CENPT: variants seen among roughly 807,000 people sequenced by gnomAD.
CENPT encodes the protein centromere protein T, also known as interphase centromere complex protein 22.
Under a neutral mutation model 59.7 loss-of-function variants are expected in CENPT, and 42 were observed. The observed-to-expected ratio is 0.70, with a 90% confidence interval of 0.55 to 0.91. CENPT has a LOEUF of 0.91. CENPT is among the 40% of genes least tolerant of loss of function. CENPT has a pLI of 0.00. For missense variants in CENPT, 716 were observed against 713.4 expected, an observed-to-expected ratio of 1.00 and a Z score of -0.04; for synonymous variants, 295 against 289.6, an observed-to-expected ratio of 1.02 and a Z score of -0.19.
In CENPT at chr16:67,831,078, T is replaced by C. The variant is rs2057682914; in HGVS notation, c.703+138A>G. On this transcript the variant is annotated intron_variant, in intron 10 of 15. Coordinates refer to ENST00000562787, the MANE Select transcript of CENPT (RefSeq NM_025082.4). ...CCTGTAGAAAGCAAGCAGAAATTCC[T>C]TGTAGACCCACTGACCAGAGTTGCT... The C allele has an allele frequency of 3.6e-6, 4 of 1,109,576 alleles. No individual in the cohort carries two copies. The South Asian group carries it at 4.1e-5, about 11-fold the overall frequency. 68.7% of individuals were successfully genotyped at this position (1,109,576 alleles called of 1,614,324 possible).
intron 1 of CENPT, among the ~76,000 whole-genome samples, chr16:67,844,691 C>T (rs2057785609): frequency 6.6e-6 from 1 of 152,214 alleles, no homozygotes; most frequent in Non-Finnish European, 1.5e-5. Flanking sequence ...GGCCTTGGTA[C>T]ACCTTCGGTG....
chr16:67,829,473 G>A lies in CENPT; in HGVS notation c.1230C>T (p.Ala410=), dbSNP rs1344744223. 5.7e-6 allele frequency: 9 copies of A among 1,587,976 alleles called. No individual in the cohort carries two copies. Among genetic ancestry groups the A allele is most frequent in the Middle Eastern group, 1.7e-4 (1 of 5,938 alleles). Residue 410 remains alanine (A), a synonymous_variant, in exon 13 of 16, where the codon GCC becomes GCT. Coordinates refer to ENST00000562787, the MANE Select transcript of CENPT (RefSeq NM_025082.4). ...SASSTPESLQ[A]RRHHQFLEPA... ...GCTCAAGAAACTGATGATGTCGCCT[G>A]GCCTGGAGAGACTCAGGGGTGCTGG...
Position 67,842,803 on chromosome 16 carries a change from C to T in CENPT, c.-492+4598G>A, listed in dbSNP as rs773875238. 1 of 1,610,828 alleles carries T rather than the reference C, an allele frequency of 6.2e-7. No homozygotes were observed. ...GCGTCCCCACCATCTTCCCGCTGCG[C>T]GGCGTCAATGAGCGCAAAGTAGCGC... On this transcript the variant is annotated intron_variant, in intron 1 of 15. Coordinates refer to ENST00000562787, the MANE Select transcript of CENPT (RefSeq NM_025082.4). The surrounding 1 kb of genome is among the most constrained non-coding windows in gnomAD (Gnocchi z 4.9).
chr16:67,834,650 A>G (rs565707372), intron 3 of CENPT, among the ~76,000 whole-genome samples: 4 of 152,266 alleles, frequency 2.6e-5, no homozygotes, highest in African/African-American at 9.6e-5. Flanking sequence ...CTGCTTTGCA[A>G]ATCTGTCTAT....
intron 1 of CENPT, among the ~76,000 whole-genome samples, 188 bp from the exon 2 acceptor site, chr16:67,835,846 T>G (rs1236813007): frequency 6.7e-6 from 1 of 148,838 alleles, no homozygotes; most frequent in Admixed American, 6.7e-5. Context: ...TTTGTTTTTG[T>G]TTTTTTTTTG....
chr16:67,836,584 C>T (rs1354658208), intron 1 of CENPT, among the ~76,000 whole-genome samples: 3 of 151,658 alleles, frequency 2.0e-5, no homozygotes, highest in Non-Finnish European at 4.4e-5. Context: ...ATTACAGGGG[C>T]CCACCGCCAA....
At chr16:67,845,905 T>G (rs985805986) in intron 1 of CENPT, among the ~76,000 whole-genome samples, 15 of 151,962 alleles carry the variant, frequency 9.9e-5, no homozygotes, top group African/African-American at 3.6e-4. Context: ...AGCCTGTGGG[T>G]GGGGGAAGGT....
At position 67,828,800 on chromosome 16, in the gene CENPT, G is replaced by A. The variant is rs766034076; in HGVS notation, c.1324C>T (p.Pro442Ser). 1.4e-5 allele frequency: 23 copies of A among 1,596,888 alleles called. No homozygotes were observed. The highest frequency in any genetic ancestry group is 5.6e-5 in the Admixed American group (3 of 53,230). ...CTGGGGCCGGTGGTCCGGGGCCTAG[G>A]GGGATGCCTGACCAACAGAGGCTCT... ...PAEPLLVRHP[P>S]RPRTTGPRPR... The change falls in exon 14 of 16, where the codon CCT becomes TCT. Residue 442 changes from proline to serine, a missense_variant. Coordinates refer to ENST00000562787, the MANE Select transcript of CENPT (RefSeq NM_025082.4).
rs572068447 is a variant in CENPT, at chr16:67,833,873, G to C, written c.-14C>G. On this transcript the variant is annotated 5_prime_UTR_variant, in exon 4 of 16. Coordinates refer to ENST00000562787, the MANE Select transcript of CENPT (RefSeq NM_025082.4). ...GTGGTCAGCCATCGTCTCGGCCCCG[G>C]GCCCTCCTAACCGCCCAGCCAGCTG... 2 of 1,489,772 alleles carry C rather than the reference G, an allele frequency of 1.3e-6. No homozygotes were observed. The highest frequency in any genetic ancestry group is 2.7e-5 in the East Asian group (1 of 37,348). The allele number at this position is 1,489,772 out of a possible 1,614,324, so 92.3% of individuals were successfully genotyped here. A position where few individuals can be genotyped will look rare whatever the true frequency, so the allele number is the denominator to read the frequency against.
rs1383934976 is a variant in CENPT, at chr16:67,842,584, C to T, written c.-492+4817G>A. On this transcript the variant is annotated intron_variant, in intron 1 of 15. Transcript: ENST00000562787. The surrounding 1 kb of genome is among the most constrained non-coding windows in gnomAD (Gnocchi z 4.9). ...CTGGCTTTACGTGCTGCGTGCCAGG[C>T]TGCTACAACAACTCGCACCGGGACA... 8 of 1,544,650 alleles carry T rather than the reference C, an allele frequency of 5.2e-6. No homozygotes were observed. The Admixed American group carries it at 7.9e-5, about 15-fold the overall frequency.
At chr16:67,832,930 T>A (rs920807421) in intron 4 of CENPT, among the ~76,000 whole-genome samples, 3 of 152,154 alleles carry the variant, frequency 2.0e-5, no homozygotes, top group Non-Finnish European at 4.4e-5. Context: ...TATTTTAAAA[T>A]CTTTTAAGAA....
intron 12 of CENPT, 101 bp downstream of exon 12, chr16:67,829,664 A>G: frequency 2.2e-6 from 3 of 1,385,818 alleles, no homozygotes; most frequent in South Asian, 1.3e-5. Flanking sequence ...CTGACCCCCT[A>G]CCACCACCAG....
chr16:67,843,481 C>T lies in CENPT; in HGVS notation c.-492+3920G>A. 1 of 1,610,664 alleles carries T rather than the reference C, an allele frequency of 6.2e-7. No homozygotes were observed. The highest frequency in any genetic ancestry group is 8.5e-7 in the Non-Finnish European group (1 of 1,178,234). The stretch of plus-strand genomic sequence containing the variant: ...GGCTGCTTGCCATGGCTGTCATCCG[C>T]AAGAAGCACGGAATGTGAACTGGTG... On this transcript the variant is annotated intron_variant, in intron 1 of 15. Coordinates refer to ENST00000562787, the MANE Select transcript of CENPT (RefSeq NM_025082.4). The surrounding 1 kb of genome is among the most constrained non-coding windows in gnomAD (Gnocchi z 5.7).
chr16:67,833,775 G>T lies in CENPT; in HGVS notation c.85C>A (p.Arg29=). ...VLDTADPRTP[R]RPRSARAGAR... ...CCAGCCCGAGCACTCCGGGGTCGCC[G>T]CGGGGTGCGCGGGTCCGCTGTATCC... Residue 29 remains arginine (R), a synonymous_variant, in exon 4 of 16, where the codon CGG becomes AGG. Coordinates refer to ENST00000562787, the MANE Select transcript of CENPT (RefSeq NM_025082.4). 1 of 1,558,832 alleles carries T rather than the reference G, an allele frequency of 6.4e-7. No individual in the cohort carries two copies.
At position 67,843,680 on chromosome 16, in the gene CENPT, C is replaced by T; in HGVS notation, c.-492+3721G>A. The T allele has an allele frequency of 1.6e-6, 1 of 617,432 alleles. No individual in the cohort carries two copies. Among genetic ancestry groups the T allele is most frequent in the Non-Finnish European group, 2.8e-6 (1 of 352,604 alleles). The allele number at this position is 617,432 out of a possible 1,614,324, so 38.2% of individuals were successfully genotyped here. A position where few individuals can be genotyped will look rare whatever the true frequency, so the allele number is the denominator to read the frequency against. The stretch of plus-strand genomic sequence containing the variant: ...TTTCCTCCTGAAGTGGAAGCTGGGG[C>T]CTTAGACTCTGCCCTGGTGACACCA... On this transcript the variant is annotated intron_variant, in intron 1 of 15. Transcript: ENST00000562787. The surrounding 1 kb of genome is among the most constrained non-coding windows in gnomAD (Gnocchi z 5.7).
intron 13 of CENPT, 42 bp downstream of exon 13, chr16:67,829,381 C>T (rs781449727): frequency 1.0e-5 from 15 of 1,504,542 alleles, no homozygotes; most frequent in Admixed American, 2.1e-5. Flanking sequence ...CCAATGCTCC[C>T]TTCCCAAGAG....
chr16:67,833,764 C>T lies in CENPT; in HGVS notation c.96G>A (p.Arg32=). The T allele has an allele frequency of 6.4e-7, 1 of 1,555,590 alleles. No individual in the cohort carries two copies. Among genetic ancestry groups the T allele is most frequent in the Non-Finnish European group, 8.7e-7 (1 of 1,153,684 alleles). Residue 32 remains arginine, a synonymous_variant, in exon 4 of 16, where the codon CGG becomes CGA. Transcript: ENST00000562787. Reference sequence around the variant, plus strand: ...CCCTCACATACCCAGCCCGAGCACTCCGGGGTCGCCGCGGGGTGCGCGGGT... The same window carrying T: ...CCCTCACATACCCAGCCCGAGCACTTCGGGGTCGCCGCGGGGTGCGCGGGT... ...TADPRTPRRP[R]SARAGARRAL... is the part of the protein sequence containing the mutation.
chr16:67,845,031 C>T lies in CENPT; in HGVS notation c.-492+2370G>A, dbSNP rs368513932. On this transcript the variant is annotated intron_variant, in intron 1 of 15. Transcript: ENST00000562787. ...CTCGAGCTCCTGATCTCAGGTGATCCGCCTGCTCTGCCTCCCAAAGTACTG... is the reference window on the plus strand; with the variant it reads ...CTCGAGCTCCTGATCTCAGGTGATCTGCCTGCTCTGCCTCCCAAAGTACTG... 3.2e-4 allele frequency among the ~76,000 whole-genome samples: 48 copies of T among 152,110 alleles called. No homozygotes were observed. In the South Asian group the frequency reaches 8.7e-3, roughly 28 times the overall value.
chr16:67,828,657 C>T lies in CENPT; in HGVS notation c.1457+10G>A, dbSNP rs368630646. The T allele has an allele frequency of 1.2e-6, 2 of 1,614,078 alleles. No homozygotes were observed. The highest frequency in any genetic ancestry group is 2.7e-5 in the African/African-American group (2 of 74,934). ...GGTTCCTCTCCCTACCCCATGTGCC[C>T]AGGACTCACCACTTCTCCACCATCT... On this transcript the variant is annotated intron_variant, in intron 14 of 15. Coordinates refer to ENST00000562787, the MANE Select transcript of CENPT (RefSeq NM_025082.4).
Sources: gnomAD v4.1 joint callset for allele counts (sites outside exome capture counted in the v4.1 genomes callset) on GRCh38, gnomAD v4.1.1 for gene constraint, Gnocchi (gnomAD v3.1) non-coding constraint, MANE v1.5 for transcripts, NCBI Gene and HGNC (gene_info 2026-07-23, HGNC 2026-07-21) for gene names.